The following NAALADL2 variants were observed in gnomAD, a reference collection of about 807,000 sequenced individuals.
The protein encoded by NAALADL2 is N-acetylated alpha-linked acidic dipeptidase like 2, also known as inactive N-acetylated-alpha-linked acidic dipeptidase-like protein 2.
Under a neutral mutation model 87.2 loss-of-function variants are expected in NAALADL2, and 76 were observed. That is an observed-to-expected ratio of 0.87 (90% CI 0.72 to 1.05). The LOEUF (loss-of-function observed/expected upper bound fraction) is 1.05. NAALADL2 is among the 50% of genes least tolerant of loss of function. The pLI is 0.00. For synonymous variants in NAALADL2, 354 were observed against 331.0 expected, an observed-to-expected ratio of 1.07 and a Z score of -0.75; for missense variants, 1,089 against 945.8, an observed-to-expected ratio of 1.15 and a Z score of -1.99.
At chr3:175,158,031 C>T (rs949345938) in intron 2 of NAALADL2, among the ~76,000 whole-genome samples, 2 of 151,984 alleles carry the variant, frequency 1.3e-5, no homozygotes, top group African/African-American at 2.4e-5. Context: ...TATTAAAGAA[C>T]TTTGTAGACG....
At chr3:175,336,116 T>A (rs868196536) in intron 5 of NAALADL2, among the ~76,000 whole-genome samples, 1 of 146,482 alleles carries the variant, frequency 6.8e-6, no homozygotes, top group Admixed American at 6.6e-5. Flanking sequence ...CCGAAAGCCT[T>A]TCTGAAGCTT....
chr3:175,688,706 G>A (rs1736652409), intron 11 of NAALADL2, among the ~76,000 whole-genome samples: 1 of 152,104 alleles, frequency 6.6e-6, no homozygotes, highest in African/African-American at 2.4e-5. Context: ...GGAAGGGCTA[G>A]GAGTGGAAAA....
chr3:175,185,569 G>A (rs1021085604), intron 2 of NAALADL2, among the ~76,000 whole-genome samples: 1 of 151,702 alleles, frequency 6.6e-6, no homozygotes, highest in African/African-American at 2.4e-5. Context: ...GTATAGATAT[G>A]TACATATGCA....
intron 1 of NAALADL2, among the ~76,000 whole-genome samples, chr3:174,901,852 G>A (rs1732348390): frequency 6.6e-6 from 1 of 152,168 alleles, no homozygotes; most frequent in Non-Finnish European, 1.5e-5. Context: ...GCACATATAT[G>A]CATGGGCTTT....
chr3:175,025,343 A>G (rs931824810), intron 1 of NAALADL2, among the ~76,000 whole-genome samples: 1 of 152,172 alleles, frequency 6.6e-6, no homozygotes, highest in African/African-American at 2.4e-5. Flanking sequence ...ATGACACAGA[A>G]TAGTGGGTGG....
At chr3:175,230,536 T>C (rs1744795094) in intron 2 of NAALADL2, among the ~76,000 whole-genome samples, 1 of 151,980 alleles carries the variant, frequency 6.6e-6, no homozygotes, top group African/African-American at 2.4e-5. Flanking sequence ...CTGGTAATCA[T>C]GAAGATGCAA....
At chr3:174,849,917 G>T (rs1725062252) in intron 3 of NAALADL2, among the ~76,000 whole-genome samples, 2 of 151,856 alleles carry the variant, frequency 1.3e-5, no homozygotes, top group Admixed American at 6.6e-5. Context: ...TCCTACTAAA[G>T]ATATAAGTAT....
intron 2 of NAALADL2, among the ~76,000 whole-genome samples, chr3:174,713,845 T>C (rs879839548): frequency 1.2e-4 from 19 of 152,164 alleles, no homozygotes; most frequent in Non-Finnish European, 2.4e-4. Flanking sequence ...TTGCCATTGC[T>C]TTTGGTGTTT....
chr3:175,170,399 C>T (rs1318558507), intron 2 of NAALADL2, among the ~76,000 whole-genome samples: 1 of 146,624 alleles, frequency 6.8e-6, no homozygotes, highest in African/African-American at 2.5e-5. Flanking sequence ...AAAAATGGAG[C>T]AATAGGGTAT....
chr3:175,536,874 C>T (rs1002532353), intron 9 of NAALADL2, among the ~76,000 whole-genome samples: 1 of 152,146 alleles, frequency 6.6e-6, no homozygotes, highest in African/African-American at 2.4e-5. Flanking sequence ...CCCATCTACT[C>T]TGGAGCCTGA....
intron 3 of NAALADL2, among the ~76,000 whole-genome samples, chr3:174,765,730 A>C (rs1671454725): frequency 6.6e-6 from 1 of 152,210 alleles, no homozygotes; most frequent in Non-Finnish European, 1.5e-5. Context: ...ATTATTCAGT[A>C]GAATGCCATT....
intron 2 of NAALADL2, among the ~76,000 whole-genome samples, chr3:174,636,199 A>G (rs1439924204): frequency 6.6e-6 from 1 of 152,178 alleles, no homozygotes; most frequent in East Asian, 1.9e-4. Flanking sequence ...GAGATGTATT[A>G]AGGACTGAAA....
At position 175,470,498 on chromosome 3, in the gene NAALADL2, G is replaced by GA. The variant is rs1263130862; in HGVS notation, c.1534-1134dup. ...TCATTTTAAGCTGTCAATTTACAATGAAAAAAATAAAAATAAAATAGGATG... is the reference window on the plus strand; with the variant it reads ...TCATTTTAAGCTGTCAATTTACAATGAAAAAAAATAAAAATAAAATAGGATG... On this transcript the variant is annotated intron_variant, in intron 8 of 13. Transcript: ENST00000454872. 3.3e-5 allele frequency among the ~76,000 whole-genome samples: 5 copies of GA among 151,904 alleles called. No individual in the cohort carries two copies. The South Asian group carries it at 1.0e-3, about 32-fold the overall frequency.
chr3:175,472,512 C>G (rs1725055672), intron 9 of NAALADL2, among the ~76,000 whole-genome samples: 2 of 152,032 alleles, frequency 1.3e-5, no homozygotes, highest in African/African-American at 4.8e-5. Flanking sequence ...GCCTCAATGT[C>G]TGTTAATTTA....
chr3:174,922,010 T>A, intron 1 of NAALADL2, among the ~76,000 whole-genome samples: 1 of 151,948 alleles, frequency 6.6e-6, no homozygotes, highest in Non-Finnish European at 1.5e-5. Flanking sequence ...AGTATAAGGT[T>A]TTATGTTATT....
intron 1 of NAALADL2, among the ~76,000 whole-genome samples, chr3:174,916,614 A>G (rs1734436501): frequency 6.9e-6 from 1 of 144,068 alleles, no homozygotes; most frequent in Non-Finnish European, 1.5e-5. Flanking sequence ...TAACCCAGGA[A>G]TGGAAAACCA....
intron 2 of NAALADL2, among the ~76,000 whole-genome samples, chr3:174,551,705 T>TA (rs1258219944): frequency 6.6e-6 from 1 of 152,250 alleles, no homozygotes; most frequent in African/African-American, 2.4e-5. Context: ...GTTTGCCACT[T>TA]AAGAGTTTTA....
chr3:175,584,795 T>C (rs6806268), intron 10 of NAALADL2, among the ~76,000 whole-genome samples: 17,343 of 152,186 alleles, frequency 0.11, 2,482 homozygotes, highest in African/African-American at 0.33. Context: ...AGTTAAAAAG[T>C]GGTACACATG....
intron 1 of NAALADL2, among the ~76,000 whole-genome samples, chr3:174,900,325 G>T (rs1225966590): frequency 1.3e-5 from 2 of 151,822 alleles, no homozygotes; most frequent in African/African-American, 4.8e-5. Flanking sequence ...TTTATTAAGG[G>T]GTTAAGTATA....
Sources: gnomAD v4.1 joint callset for allele counts (sites outside exome capture counted in the v4.1 genomes callset) on GRCh38, gnomAD v4.1.1 for gene constraint, MANE v1.5 for transcripts, NCBI Gene and HGNC (gene_info 2026-07-23, HGNC 2026-07-21) for gene names.